PTGER3: variants seen among roughly 807,000 people sequenced by gnomAD.
PTGER3 encodes prostaglandin E receptor 3, also known as prostaglandin E2 receptor EP3 subtype.
PTGER3 carries 22 observed loss-of-function variants against 34.7 expected under a neutral mutation model. The observed-to-expected ratio is 0.63, with a 90% CI of 0.45 to 0.91. The LOEUF (loss-of-function observed/expected upper bound fraction) is 0.91, where lower values mean the gene tolerates loss of function less well. Ranked by LOEUF, PTGER3 falls within the 40% of genes least tolerant of loss-of-function variation. The pLI is 0.00. For missense variants in PTGER3, 468 were observed against 519.4 expected (o/e 0.90, Z 0.96); for synonymous variants, 241 against 230.1 (o/e 1.05, Z -0.43).
chr1:71,020,691 T>G (rs1658325231), intron 1 of PTGER3, among the ~76,000 whole-genome samples: 1 of 140,850 alleles, frequency 7.1e-6, no homozygotes, highest in South Asian at 2.2e-4. Context: ...TGGTGTATGT[T>G]AGCAGAGTGT....
At chr1:71,018,433 T>C (rs184596623) in intron 1 of PTGER3, among the ~76,000 whole-genome samples, 1 of 152,314 alleles carries the variant, frequency 6.6e-6, no homozygotes, top group East Asian at 1.9e-4. Context: ...AAAATTAATA[T>C]TTTCAACTCA....
chr1:70,896,591 C>T (rs1161387174), intron 4 of PTGER3, among the ~76,000 whole-genome samples: 1 of 152,112 alleles, frequency 6.6e-6, no homozygotes. Context: ...GTTACAGCAG[C>T]CCTAGGAAGC....
chr1:70,921,813 G>T (rs1276044442), intron 4 of PTGER3, among the ~76,000 whole-genome samples: 1 of 151,982 alleles, frequency 6.6e-6, no homozygotes, highest in African/African-American at 2.4e-5. Flanking sequence ...TTGGAAAATT[G>T]GTCCTTTATC....
chr1:70,964,373 C>T (rs1244441172), intron 2 of PTGER3, among the ~76,000 whole-genome samples: 7 of 152,290 alleles, frequency 4.6e-5, no homozygotes, highest in Non-Finnish European at 1.0e-4. Flanking sequence ...CCAACAAAAA[C>T]ATAGCTAAAA....
At chr1:70,946,215 T>G (rs1001497403) in intron 4 of PTGER3, among the ~76,000 whole-genome samples, 2 of 152,070 alleles carry the variant, frequency 1.3e-5, no homozygotes, top group African/African-American at 4.8e-5. Context: ...TTTACCCAAG[T>G]TACTTAGTTT....
At chr1:70,948,566 C>T (rs1380506572), downstream of PTGER3, among the ~76,000 whole-genome samples, 1 of 152,092 alleles carries the variant, frequency 6.6e-6, no homozygotes, top group Non-Finnish European at 1.5e-5. Context: ...TACCAATTTG[C>T]AGTCATAATG....
At chr1:70,995,057 C>T (rs181316142) in intron 2 of PTGER3, among the ~76,000 whole-genome samples, 2 of 151,980 alleles carry the variant, frequency 1.3e-5, no homozygotes, top group African/African-American at 4.8e-5. Flanking sequence ...AAGTAATCAC[C>T]GAGGCATAAA....
intron 4 of PTGER3, among the ~76,000 whole-genome samples, chr1:70,877,981 T>A (rs1331230007): frequency 6.6e-6 from 1 of 151,952 alleles, no homozygotes; most frequent in Non-Finnish European, 1.5e-5. Flanking sequence ...TAGGGAGGAG[T>A]CCCTCCCCCT....
intron 4 of PTGER3, among the ~76,000 whole-genome samples, chr1:70,897,231 C>G (rs1240136577): frequency 6.6e-6 from 1 of 152,148 alleles, no homozygotes; most frequent in Non-Finnish European, 1.5e-5. Context: ...CTAGAATGCA[C>G]TGGTGTCACA....
At chr1:70,932,965 G>C (rs1228915550) in intron 4 of PTGER3, among the ~76,000 whole-genome samples, 2 of 152,024 alleles carry the variant, frequency 1.3e-5, no homozygotes, top group Non-Finnish European at 2.9e-5. Context: ...TGAAGGCAGA[G>C]TCAGGGGTTC....
chr1:70,885,839 G>A (rs1445990774), intron 4 of PTGER3, among the ~76,000 whole-genome samples: 2 of 152,152 alleles, frequency 1.3e-5, no homozygotes, highest in African/African-American at 2.4e-5. Context: ...GAATAATGCC[G>A]GCAATGAGGA....
chr1:70,869,604 A>G (rs949844153), intron 4 of PTGER3, among the ~76,000 whole-genome samples: 1 of 152,244 alleles, frequency 6.6e-6, no homozygotes, highest in African/African-American at 2.4e-5. Context: ...CAATGTGAGT[A>G]CAAGCATTGG....
At chr1:70,975,166 C>T (rs1246870183) in intron 2 of PTGER3, among the ~76,000 whole-genome samples, 2 of 152,126 alleles carry the variant, frequency 1.3e-5, no homozygotes, top group Non-Finnish European at 2.9e-5. Flanking sequence ...TTCACAAGAG[C>T]AGGAACTGTG....
chr1:70,908,475 T>C (rs562477596), intron 4 of PTGER3, among the ~76,000 whole-genome samples: 1 of 152,276 alleles, frequency 6.6e-6, no homozygotes, highest in Admixed American at 6.5e-5. Context: ...CTGTACTGGC[T>C]CCCAGAGTTT....
At chr1:71,017,989 T>C (rs906923654) in intron 1 of PTGER3, among the ~76,000 whole-genome samples, 1 of 152,166 alleles carries the variant, frequency 6.6e-6, no homozygotes, top group Non-Finnish European at 1.5e-5. Flanking sequence ...GGTCTCAAAC[T>C]CCTGGGCTCA....
chr1:70,866,331 C>T (rs1646041411), intron 4 of PTGER3, among the ~76,000 whole-genome samples: 1 of 152,122 alleles, frequency 6.6e-6, no homozygotes, highest in African/African-American at 2.4e-5. Context: ...TCCAAATAAC[C>T]CATGTTGGTC....
intron 4 of PTGER3, among the ~76,000 whole-genome samples, chr1:70,892,090 A>G (rs1253891355): frequency 6.6e-6 from 1 of 152,192 alleles, no homozygotes; most frequent in Non-Finnish European, 1.5e-5. Context: ...TGGAGCACCT[A>G]CTATGTAACC....
In PTGER3 at chr1:70,971,371, G is replaced by T; in HGVS notation, c.*359C>A. On this transcript the variant is annotated 3_prime_UTR_variant, in exon 4 of 4. Coordinates refer to ENST00000306666, the MANE Select transcript of PTGER3 (RefSeq NM_198719.2). ...TTGCAAAAGCAAGCTATCATGAAATGTAAAGATGTCCACTTTGGTTAAGAT... is the reference window on the plus strand; with the variant it reads ...TTGCAAAAGCAAGCTATCATGAAATTTAAAGATGTCCACTTTGGTTAAGAT... 9.8e-7 allele frequency: 1 copy of T among 1,019,498 alleles called. No individual in the cohort carries two copies. Among genetic ancestry groups the T allele is most frequent in the Non-Finnish European group, 1.2e-6 (1 of 852,908 alleles). 63.2% of individuals were successfully genotyped at this position (1,019,498 alleles called of 1,614,324 possible).
intron 2 of PTGER3, chr1:71,007,506 C>T (rs914205046): frequency 4.6e-5 from 45 of 985,248 alleles, no homozygotes; most frequent in East Asian, 1.1e-4. Flanking sequence ...TAAATGCAGT[C>T]GGTCCCTTCC....
Sources: gnomAD v4.1 joint callset for allele counts (sites outside exome capture counted in the v4.1 genomes callset) on GRCh38, gnomAD v4.1.1 for gene constraint, MANE v1.5 for transcripts, NCBI Gene and HGNC (gene_info 2026-07-23, HGNC 2026-07-21) for gene names.